CNTNAP2: variants seen among roughly 807,000 people sequenced by gnomAD.
The protein encoded by CNTNAP2 is contactin-associated protein-like 2.
In CNTNAP2, 98 loss-of-function variants were observed where a neutral mutation model predicts 155.2. The ratio of observed to expected loss-of-function variants is 0.63; its 90% confidence interval spans 0.54 to 0.75. The LOEUF (loss-of-function observed/expected upper bound fraction) is 0.75, where lower values mean the gene tolerates loss of function less well. Ranked by LOEUF, CNTNAP2 falls within the 30% of genes least tolerant of loss-of-function variation. The pLI is 0.00. For missense variants in CNTNAP2, 1,727 were observed against 1,688.1 expected (o/e 1.02, Z -0.40); for synonymous variants, 651 against 631.2 (o/e 1.03, Z -0.47).
At chr7:147,744,394 C>A (rs1283604630) in intron 13 of CNTNAP2, among the ~76,000 whole-genome samples, 1 of 152,186 alleles carries the variant, frequency 6.6e-6, no homozygotes, top group African/African-American at 2.4e-5. Context: ...TAAAGACACA[C>A]ATCCTAAACT....
At chr7:147,616,137 A>G (rs1801287113) in intron 12 of CNTNAP2, among the ~76,000 whole-genome samples, 1 of 152,174 alleles carries the variant, frequency 6.6e-6, no homozygotes, top group African/African-American at 2.4e-5. Flanking sequence ...GATAGATTTA[A>G]AGTCTATTTT....
At chr7:146,865,547 G>A (rs1795188050) in intron 3 of CNTNAP2, among the ~76,000 whole-genome samples, 2 of 152,098 alleles carry the variant, frequency 1.3e-5, no homozygotes, top group Non-Finnish European at 2.9e-5. Context: ...ATTAAATGCA[G>A]AAGAGAATAG....
chr7:146,671,111 T>A (rs978243902), intron 1 of CNTNAP2, among the ~76,000 whole-genome samples: 1 of 152,154 alleles, frequency 6.6e-6, no homozygotes, highest in Non-Finnish European at 1.5e-5. Context: ...TCTCTAGAAA[T>A]GTCTTCATTA....
chr7:146,150,775 G>A (rs1798025204), intron 1 of CNTNAP2, among the ~76,000 whole-genome samples: 1 of 151,800 alleles, frequency 6.6e-6, no homozygotes, highest in Non-Finnish European at 1.5e-5. Context: ...TAGACAATGT[G>A]GAATGAGTCA....
At chr7:146,202,678 T>C (rs999857592) in intron 1 of CNTNAP2, among the ~76,000 whole-genome samples, 68 of 152,146 alleles carry the variant, frequency 4.5e-4, no homozygotes, top group African/African-American at 1.4e-3. Context: ...TACACTGTTA[T>C]GTAGCTATTA....
chr7:147,292,771 G>T (rs531226946), intron 8 of CNTNAP2, among the ~76,000 whole-genome samples: 1 of 80,998 alleles, frequency 1.2e-5, no homozygotes, highest in East Asian at 2.0e-4. Context: ...GGTCATTTCT[G>T]TTTGTTTGTT....
At chr7:147,231,521 T>C (rs527390694) in intron 8 of CNTNAP2, among the ~76,000 whole-genome samples, 19 of 152,366 alleles carry the variant, frequency 1.2e-4, no homozygotes, top group African/African-American at 4.1e-4. Context: ...ATATTTTCCA[T>C]AGTGGCTGTA....
chr7:147,605,701 A>G (rs977858922), intron 12 of CNTNAP2, among the ~76,000 whole-genome samples: 7 of 152,104 alleles, frequency 4.6e-5, no homozygotes, highest in East Asian at 1.9e-4. Context: ...AGAAAGGGAA[A>G]GTTCAGAAAA....
chr7:147,370,604 C>A (rs1796325061), intron 9 of CNTNAP2, among the ~76,000 whole-genome samples: 1 of 152,086 alleles, frequency 6.6e-6, no homozygotes, highest in Non-Finnish European at 1.5e-5. Flanking sequence ...ACCAGCACAC[C>A]ACTGAATCTT....
chr7:147,916,841 T>G (rs1482706451), intron 14 of CNTNAP2, among the ~76,000 whole-genome samples: 1 of 152,112 alleles, frequency 6.6e-6, no homozygotes, highest in Non-Finnish European at 1.5e-5. Context: ...CCACTGAAAG[T>G]TCACCCTCAC....
At chr7:146,676,710 G>C (rs1421863264) in intron 1 of CNTNAP2, among the ~76,000 whole-genome samples, 2 of 152,124 alleles carry the variant, frequency 1.3e-5, no homozygotes, top group East Asian at 1.9e-4. Context: ...AAAGCAAAAG[G>C]CTCATCTTAC....
intron 9 of CNTNAP2, among the ~76,000 whole-genome samples, chr7:147,386,084 C>A (rs1005207694): frequency 6.6e-6 from 1 of 152,096 alleles, no homozygotes; most frequent in South Asian, 2.1e-4. Flanking sequence ...GTATCTTGCC[C>A]CCTTTTAGTC....
At chr7:147,818,694 G>C (rs1584972213) in intron 13 of CNTNAP2, among the ~76,000 whole-genome samples, 1 of 152,042 alleles carries the variant, frequency 6.6e-6, no homozygotes, top group East Asian at 1.9e-4. Context: ...ATTTAACAAT[G>C]CTAATTCTAA....
At chr7:146,482,647 G>A (rs1327524447) in intron 1 of CNTNAP2, among the ~76,000 whole-genome samples, 1 of 151,936 alleles carries the variant, frequency 6.6e-6, no homozygotes, top group East Asian at 1.9e-4. Flanking sequence ...GGAGGTTGAG[G>A]CAGGAGAATC....
chr7:148,081,477 G>C (rs1489521527), intron 15 of CNTNAP2, among the ~76,000 whole-genome samples: 1 of 152,016 alleles, frequency 6.6e-6, no homozygotes, highest in African/African-American at 2.4e-5. Context: ...GAAAAGACTA[G>C]ACTGGCCTAG....
intron 1 of CNTNAP2, among the ~76,000 whole-genome samples, chr7:146,389,223 T>TCACACA (rs3050929): frequency 4.5e-5 from 6 of 133,294 alleles, no homozygotes; most frequent in South Asian, 2.3e-4. Context: ...TAGGAAATAG[T>TCACACA]CACACACACA....
chr7:146,928,489 C>T (rs1217565584), intron 3 of CNTNAP2, among the ~76,000 whole-genome samples: 1 of 152,204 alleles, frequency 6.6e-6, no homozygotes, highest in Admixed American at 6.5e-5. Context: ...CTCCGGTCTA[C>T]AGCTCCCAGC....
chr7:147,927,641 T>G (rs1800419246), intron 14 of CNTNAP2, among the ~76,000 whole-genome samples: 1 of 152,200 alleles, frequency 6.6e-6, no homozygotes, highest in Non-Finnish European at 1.5e-5. Flanking sequence ...TGCAATATCT[T>G]CAGAATTTCA....
At chr7:147,976,053 A>C (rs2116862454) in intron 14 of CNTNAP2, among the ~76,000 whole-genome samples, 1 of 152,260 alleles carries the variant, frequency 6.6e-6, no homozygotes, top group Non-Finnish European at 1.5e-5. Context: ...TTTCAATAAA[A>C]CTTTTTTATG....
Sources: allele counts gnomAD v4.1 joint callset (sites outside exome capture counted in the v4.1 genomes callset), GRCh38; gene constraint gnomAD v4.1.1; transcripts MANE v1.5; gene names NCBI Gene and HGNC (gene_info 2026-07-23, HGNC 2026-07-21).